The following TEK variants were observed in gnomAD, a reference collection of about 807,000 sequenced individuals.
The protein encoded by TEK is angiopoietin-1 receptor.
Under a neutral mutation model 131.8 loss-of-function variants are expected in TEK, and 43 were observed. That is an observed-to-expected ratio of 0.33 (90% CI 0.26 to 0.42). TEK has a LOEUF of 0.42. Ranked by LOEUF, TEK falls within the 10% of genes least tolerant of loss-of-function variation. The pLI is 1.00. For synonymous variants in TEK, 580 were observed against 491.6 expected (o/e 1.18, Z -2.38); for missense variants, 1,162 against 1,384.4 (o/e 0.84, Z 2.55).
intron 9 of TEK, among the ~76,000 whole-genome samples, chr9:27,188,459 A>G (rs1384293109): frequency 1.3e-5 from 2 of 152,222 alleles, no homozygotes; most frequent in Non-Finnish European, 2.9e-5. Context: ...ACAGACTGAC[A>G]TTAATGGCTG....
intron 1 of TEK, among the ~76,000 whole-genome samples, chr9:27,146,720 A>T (rs9886933): frequency 0.048 from 5,464 of 113,548 alleles, 398 homozygotes; most frequent in African/African-American, 0.17. Context: ...TAAACATTCT[A>T]TTTTTTTTTT....
chr9:27,157,706 G>T lies in TEK; in HGVS notation c.53-125G>T, dbSNP rs569599997. On this transcript the variant is annotated intron_variant, in intron 1 of 22. Transcript: ENST00000380036. ...TTGTCCAGTGGAAGATAGGCACATGGTCAGAATAGCATTTTAGAAAGAATC... is the reference window on the plus strand; with the variant it reads ...TTGTCCAGTGGAAGATAGGCACATGTTCAGAATAGCATTTTAGAAAGAATC... 615 of 1,168,842 alleles carry T rather than the reference G, an allele frequency of 5.3e-4. 3 individuals are homozygous for T. The highest frequency in any genetic ancestry group is 1.5e-3 in the African/African-American group (98 of 66,466). 72.4% of individuals were successfully genotyped at this position (1,168,842 alleles called of 1,614,324 possible). A position where few individuals can be genotyped will look rare whatever the true frequency, so the allele number is the denominator to read the frequency against.
At chr9:27,181,647 A>G (rs1279945408) in intron 7 of TEK, among the ~76,000 whole-genome samples, 1 of 152,150 alleles carries the variant, frequency 6.6e-6, no homozygotes, top group African/African-American at 2.4e-5. Context: ...ACCTCCATTC[A>G]TTTATAGTAT....
rs1395459755 is a variant in TEK at position 27,190,752 on chromosome 9, C to A, written c.1489+62C>A. On this transcript the variant is annotated intron_variant, in intron 10 of 22. Transcript: ENST00000380036. ...TGGCACCAGGAGAATTATTTTTCTC[C>A]AAATCTAGAAATTCCCTTCTCCCTG... 4 of 1,599,436 alleles carry A rather than the reference C, an allele frequency of 2.5e-6. No homozygotes were observed. In the East Asian group the frequency reaches 8.9e-5, roughly 36 times the overall value.
At chr9:27,180,493 G>A (rs41272243) in intron 7 of TEK, 125 bp downstream of exon 7, 3 of 1,379,670 alleles carry the variant, frequency 2.2e-6, no homozygotes, top group Admixed American at 4.0e-5. Context: ...CAGAAGTTGG[G>A]AATAGTTTAT....
chr9:27,109,431 T>C lies in TEK; in HGVS notation c.-160T>C, dbSNP rs1821243790. On this transcript the variant is annotated 5_prime_UTR_variant, in exon 1 of 23. Coordinates refer to ENST00000380036, the MANE Select transcript of TEK (RefSeq NM_000459.5). ...CCCTGTGCTCAGACAGAAATGAGACTGTTACAGCCTGCTTCTGTGCTGTTC... is the reference window on the plus strand; with the variant it reads ...CCCTGTGCTCAGACAGAAATGAGACCGTTACAGCCTGCTTCTGTGCTGTTC... 1.3e-6 allele frequency: 1 copy of C among 749,930 alleles called. No homozygotes were observed. The highest frequency in any genetic ancestry group is 2.4e-5 in the East Asian group (1 of 40,966). 46.5% of individuals were successfully genotyped at this position (749,930 alleles called of 1,614,324 possible).
rs1450754467 is a variant in TEK, at chr9:27,121,445, T to G, written c.52+11803T>G. ...CAAGATGATTTGTATATATATTTCA[T>G]AAATAAATTTTTTTTTTATTTTATA... On this transcript the variant is annotated intron_variant, in intron 1 of 22. Coordinates refer to ENST00000380036, the MANE Select transcript of TEK (RefSeq NM_000459.5). Among the ~76,000 whole-genome samples the G allele has an allele frequency of 4.7e-5, 7 of 150,140 alleles. No individual in the cohort carries two copies. In the South Asian group the frequency reaches 8.3e-4, roughly 18 times the overall value.
intron 14 of TEK, among the ~76,000 whole-genome samples, chr9:27,205,989 CG>C (rs1427733612): frequency 6.6e-6 from 1 of 152,112 alleles, no homozygotes; most frequent in African/African-American, 2.4e-5. Context: ...GTCAAAATAC[CG>C]GTGCTTTTTC....
At chr9:27,173,579 C>T (rs12340363) in intron 6 of TEK, among the ~76,000 whole-genome samples, 5 of 152,144 alleles carry the variant, frequency 3.3e-5, no homozygotes, top group African/African-American at 1.2e-4. Context: ...TAACTATCAT[C>T]TGGGGATCTT....
intron 1 of TEK, among the ~76,000 whole-genome samples, chr9:27,114,570 C>CAA (rs199588889): frequency 1.5e-5 from 2 of 129,716 alleles, no homozygotes; most frequent in Admixed American, 8.5e-5. Context: ...GACTCCGTCT[C>CAA]AAAAAAAAAT....
chr9:27,172,417 C>G (rs1823991020), intron 4 of TEK, among the ~76,000 whole-genome samples, 199 bp from the exon 5 acceptor site: 1 of 152,178 alleles, frequency 6.6e-6, no homozygotes, highest in Admixed American at 6.5e-5. Context: ...GTTAGGTACT[C>G]CTTGTCTTTG....
intron 2 of TEK, among the ~76,000 whole-genome samples, chr9:27,165,534 A>T (rs142942626): frequency 6.6e-6 from 1 of 152,064 alleles, no homozygotes; most frequent in Non-Finnish European, 1.5e-5. Context: ...TCATATCACA[A>T]ATGTCAGCAC....
intron 1 of TEK, among the ~76,000 whole-genome samples, chr9:27,142,319 C>A (rs1267509974): frequency 6.6e-6 from 1 of 152,198 alleles, no homozygotes; most frequent in African/African-American, 2.4e-5. Flanking sequence ...ATACTAAGTT[C>A]TTACTGGACA....
At chr9:27,118,718 C>T (rs991249869) in intron 1 of TEK, among the ~76,000 whole-genome samples, 4 of 152,150 alleles carry the variant, frequency 2.6e-5, no homozygotes, top group African/African-American at 7.2e-5. Flanking sequence ...CGTGCTTTCC[C>T]TCTAGGTGAT....
intron 1 of TEK, among the ~76,000 whole-genome samples, chr9:27,111,244 T>G (rs1218433509): frequency 0.083 from 1 of 12 alleles, no homozygotes; most frequent in Non-Finnish European, 0.17. Context: ...AGGAAGTAGG[T>G]TCATGTTCTT....
chr9:27,111,558 T>G (rs1821349086), intron 1 of TEK, among the ~76,000 whole-genome samples: 1 of 152,052 alleles, frequency 6.6e-6, no homozygotes, highest in African/African-American at 2.4e-5. Context: ...CCACTTTTTT[T>G]TAGTGAAGGT....
At chr9:27,138,121 T>C (rs373857314) in intron 1 of TEK, among the ~76,000 whole-genome samples, 32 of 152,266 alleles carry the variant, frequency 2.1e-4, no homozygotes, top group East Asian at 9.7e-4. Context: ...CCGCAGACCC[T>C]CTCAGTGAGT....
At chr9:27,214,974 T>C (rs536078) in intron 18 of TEK, among the ~76,000 whole-genome samples, 135,860 of 152,166 alleles carry the variant, frequency 0.89, 60,753 homozygotes, top group East Asian at 1. Flanking sequence ...CTACTCCAGC[T>C]TTCCCAACTC....
intron 8 of TEK, 29 bp downstream of exon 8, chr9:27,183,639 T>G (rs772650044): frequency 2.5e-6 from 4 of 1,613,388 alleles, no homozygotes; most frequent in Non-Finnish European, 3.4e-6. Context: ...TTGCCCTTCT[T>G]AAAGCATGAG....
Sources: allele counts gnomAD v4.1 joint callset (sites outside exome capture counted in the v4.1 genomes callset), GRCh38; gene constraint gnomAD v4.1.1; transcripts MANE v1.5; gene names NCBI Gene and HGNC (gene_info 2026-07-23, HGNC 2026-07-21).